The following KIF21A variants were observed in gnomAD, a reference collection of about 807,000 sequenced individuals.
KIF21A encodes the protein kinesin family member 21A, also known as kinesin-like protein KIF21A.
KIF21A carries 114 observed loss-of-function variants against 202.9 expected under a neutral mutation model. The observed-to-expected ratio is 0.56, with a 90% CI of 0.48 to 0.66. The LOEUF (loss-of-function observed/expected upper bound fraction) is 0.66. Among genes scored for constraint, KIF21A ranks in the 30% least tolerant of loss-of-function variants. The pLI is 0.00. For missense variants in KIF21A, 1,677 were observed against 1,994.9 expected, an observed-to-expected ratio of 0.84 and a Z score of 3.04; for synonymous variants, 667 against 670.8, an observed-to-expected ratio of 0.99 and a Z score of 0.09.
Position 39,366,452 on chromosome 12 carries a change from A to T in KIF21A, c.801T>A (p.Thr267=), listed in dbSNP as rs1036685027. 6.2e-7 allele frequency: 1 copy of T among 1,613,748 alleles called. No individual in the cohort carries two copies. Among genetic ancestry groups the T allele is most frequent in the East Asian group, 2.2e-5 (1 of 44,878 alleles). The change falls in exon 6 of 38, where the codon ACT becomes ACA. Residue 267 remains threonine (T), a synonymous_variant. Transcript: ENST00000361418. ...SAQMNEFETL[T]AKFHFVDLAG... Reference sequence around the variant, plus strand: ...CGAGATCAACAAAATGGAACTTTGCAGTCAGGGTTTCAAATTCATTCATCT... The same window carrying T: ...CGAGATCAACAAAATGGAACTTTGCTGTCAGGGTTTCAAATTCATTCATCT...
intron 1 of KIF21A, among the ~76,000 whole-genome samples, chr12:39,383,268 T>G (rs973266985): frequency 1.3e-5 from 2 of 152,232 alleles, no homozygotes; most frequent in Non-Finnish European, 2.9e-5. Flanking sequence ...ATTTGTACAT[T>G]CTGAAAGAAC....
rs1421287570 is a variant in KIF21A at position 39,357,390 on chromosome 12, C to T, written c.1263G>A (p.Met421Ile). 3 of 1,614,108 alleles carry T rather than the reference C, an allele frequency of 1.9e-6. No individual in the cohort carries two copies. The highest frequency in any genetic ancestry group is 1.7e-6 in the Non-Finnish European group (2 of 1,179,958). Reference protein sequence around the residue: ...DEEGVESINDMFHENAMLQTE... With the variant: ...DEEGVESINDIFHENAMLQTE... ...TCTGTAGCATAGCATTCTCATGAAA[C>T]ATGTCATTGATGCTTTCCACACCCT... Residue 421 changes from methionine (M) to isoleucine (I), a missense_variant, in exon 9 of 38, where the codon ATG (methionine) becomes ATA (isoleucine). Met to Ile is a conservative substitution (Grantham distance 10). Around this residue, in one of 3 missense-constraint regions of KIF21A, gnomAD observed 966 missense variants for 1,180.9 expected, o/e 0.82. Transcript: ENST00000361418.
At position 39,368,042 on chromosome 12, in the gene KIF21A, A is replaced by C; in HGVS notation, c.451-10T>G. ...CCTCTTCATTATAGAGCTATCAAAA[A>C]AATATTAGAAATCTAATTTTAGCAG... On this transcript the variant is annotated splice_polypyrimidine_tract_variant and intron_variant, in intron 3 of 37. Transcript: ENST00000361418. The C allele has an allele frequency of 2.0e-6, 3 of 1,534,768 alleles. No individual in the cohort carries two copies. Among genetic ancestry groups the C allele is most frequent in the Non-Finnish European group, 2.7e-6 (3 of 1,112,764 alleles).
rs1054983568 is a variant in KIF21A at position 39,295,692 on chromosome 12, G to GTT, written c.4932-1177_4932-1176dup. Among the ~76,000 whole-genome samples the GTT allele has an allele frequency of 7.1e-3, 558 of 78,130 alleles. 45 individuals carry two copies. Among genetic ancestry groups the GTT allele is most frequent in the South Asian group, 0.022 (39 of 1,758 alleles). 51.3% of individuals were successfully genotyped at this position (78,130 alleles called of 152,430 possible). A position where few individuals can be genotyped will look rare whatever the true frequency, so the allele number is the denominator to read the frequency against. The stretch of plus-strand genomic sequence containing the variant: ...TACATGCCAAGCATGCTTGGGATAT[G>GTT]TTTTTTTTTTTTTTTTTTTTTTTTT... On this transcript the variant is annotated intron_variant, in intron 37 of 37. Transcript: ENST00000361418.
rs771051669 is a variant in KIF21A, at chr12:39,309,667, G to A, written c.4196C>T (p.Thr1399Ile). ...NVVSVKYCNY[T>I]SLVFTVSTSY... ...TGTTGATACAGTGAAGACCAAACTG[G>A]TATAATTACAGTATTTTACAGACAC... Residue 1399 changes from threonine (T) to isoleucine (I), a missense_variant, in exon 33 of 38, where the codon ACC becomes ATC. Transcript: ENST00000361418. The A allele has an allele frequency of 1.1e-5, 17 of 1,612,730 alleles. No homozygotes were observed. Among genetic ancestry groups the A allele is most frequent in the Non-Finnish European group, 1.4e-5 (16 of 1,179,264 alleles).
intron 1 of KIF21A, among the ~76,000 whole-genome samples, chr12:39,399,050 C>A (rs895684105): frequency 1.3e-5 from 2 of 151,896 alleles, no homozygotes; most frequent in African/African-American, 4.8e-5. Flanking sequence ...ACAGAGAAAC[C>A]CCATCTCTAC....
chr12:39,330,233 C>G lies in KIF21A; in HGVS notation c.3340+9G>C. On this transcript the variant is annotated intron_variant, in intron 24 of 37. Coordinates refer to ENST00000361418, the MANE Select transcript of KIF21A (RefSeq NM_001173464.2). ...GCTGTAGGATACACAGAAAGCTAAA[C>G]ATACTTACCTAATGGTACGCTATCT... is the stretch of plus-strand genomic sequence containing the variant. 1 of 1,610,350 alleles carries G rather than the reference C, an allele frequency of 6.2e-7. No individual in the cohort carries two copies. The highest frequency in any genetic ancestry group is 8.5e-7 in the Non-Finnish European group (1 of 1,176,846).
At chr12:39,345,012 T>A (rs1263461012) in intron 12 of KIF21A, among the ~76,000 whole-genome samples, 1 of 152,160 alleles carries the variant, frequency 6.6e-6, no homozygotes. Context: ...ACTGGAAGCA[T>A]CTGCACCACC....
chr12:39,424,305 C>T lies in KIF21A; in HGVS notation c.44+18622G>A, dbSNP rs1954578306. ...TACCTCACTACTACTAACCGCTCTT[C>T]TCCAGTATCCTTGACTAGATCTTCT... On this transcript the variant is annotated intron_variant, in intron 1 of 37. Coordinates refer to ENST00000361418, the MANE Select transcript of KIF21A (RefSeq NM_001173464.2). 1.3e-5 allele frequency among the ~76,000 whole-genome samples: 2 copies of T among 152,168 alleles called. 1 individual carries two copies. Among genetic ancestry groups the T allele is most frequent in the South Asian group, 4.1e-4 (2 of 4,828 alleles).
intron 1 of KIF21A, among the ~76,000 whole-genome samples, chr12:39,409,515 C>A: frequency 7.0e-6 from 1 of 143,434 alleles, no homozygotes. Context: ...GAAGTGAGAC[C>A]ATGTCTCAGA....
chr12:39,346,528 T>C (rs1368359601), intron 11 of KIF21A, 24 bp from the exon 12 acceptor site: 2 of 1,445,454 alleles, frequency 1.4e-6, no homozygotes, highest in Admixed American at 4.8e-5. Flanking sequence ...AGGCACAGTA[T>C]TGGAAGGCCA....
At chr12:39,427,583 T>C (rs1431294559) in intron 1 of KIF21A, among the ~76,000 whole-genome samples, 4 of 152,248 alleles carry the variant, frequency 2.6e-5, no homozygotes, top group Non-Finnish European at 4.4e-5. Flanking sequence ...AAGAAAATTA[T>C]GCAATGTGCA....
At chr12:39,342,706 T>A (rs1304718526) in intron 12 of KIF21A, among the ~76,000 whole-genome samples, 1 of 152,174 alleles carries the variant, frequency 6.6e-6, no homozygotes, top group Non-Finnish European at 1.5e-5. Context: ...AGGCTACTTC[T>A]CATTATGGTC....
In KIF21A at chr12:39,302,891, T is replaced by G. The variant is rs559944480; in HGVS notation, c.4731+74A>C. On this transcript the variant is annotated intron_variant, in intron 36 of 37. Transcript: ENST00000361418. ...AAATGATAAAAATCTACATAGAAGC[T>G]CTTCAAGTTCTTCTACAGGCTACAG... is the stretch of plus-strand genomic sequence containing the variant. 3.1e-5 allele frequency: 37 copies of G among 1,205,420 alleles called. No individual in the cohort carries two copies. The East Asian group carries it at 7.9e-4, about 26-fold the overall frequency. 74.7% of individuals were successfully genotyped at this position (1,205,420 alleles called of 1,614,324 possible).
At chr12:39,319,250 G>A (rs1339275468) in intron 28 of KIF21A, among the ~76,000 whole-genome samples, 1 of 152,170 alleles carries the variant, frequency 6.6e-6, no homozygotes, top group Non-Finnish European at 1.5e-5. Context: ...ATGCAGAACA[G>A]GTAAACTGAG....
At chr12:39,345,327 T>C (rs1365616930) in intron 12 of KIF21A, among the ~76,000 whole-genome samples, 1 of 152,174 alleles carries the variant, frequency 6.6e-6, no homozygotes, top group Admixed American at 6.6e-5. Context: ...ACAATTTTAA[T>C]GCCTTAACTT....
chr12:39,435,929 CA>C (rs1938621696), intron 1 of KIF21A, among the ~76,000 whole-genome samples: 1 of 152,142 alleles, frequency 6.6e-6, no homozygotes, highest in African/African-American at 2.4e-5. Context: ...AAACAGTCTA[CA>C]TTTTTTTATA....
intron 1 of KIF21A, among the ~76,000 whole-genome samples, chr12:39,407,606 C>G (rs1592594781): frequency 6.6e-6 from 1 of 152,238 alleles, no homozygotes; most frequent in East Asian, 1.9e-4. Flanking sequence ...CTATAATTAT[C>G]TCATTTTACA....
chr12:39,305,505 TC>T (rs1204523209), intron 34 of KIF21A, among the ~76,000 whole-genome samples: 8 of 152,028 alleles, frequency 5.3e-5, no homozygotes, highest in Admixed American at 5.2e-4. Flanking sequence ...CACCTCAACT[TC>T]CCCAGTAGCT....
Sources: allele counts gnomAD v4.1 joint callset (sites outside exome capture counted in the v4.1 genomes callset), GRCh38; gene constraint gnomAD v4.1.1; regional missense constraint gnomAD v4.1.1; transcripts MANE v1.5; gene names NCBI Gene and HGNC (gene_info 2026-07-23, HGNC 2026-07-21).